The following SLC47A1 variants were observed in gnomAD, a reference collection of about 807,000 sequenced individuals.
SLC47A1 encodes the protein multidrug and toxin extrusion protein 1.
In SLC47A1, 58 loss-of-function variants were observed where a neutral mutation model predicts 65.8. That is an observed-to-expected ratio of 0.88 (90% CI 0.71 to 1.10). SLC47A1 has a LOEUF of 1.10. Among genes scored for constraint, SLC47A1 ranks in the 50% least tolerant of loss-of-function variants. SLC47A1 has a pLI of 0.00. For synonymous variants in SLC47A1, 285 were observed against 295.0 expected (o/e 0.97, Z 0.35); for missense variants, 706 against 719.2 (o/e 0.98, Z 0.21).
At position 19,577,379 on chromosome 17, in the gene SLC47A1, C is replaced by T. The variant is rs749378149; in HGVS notation, c.1539C>T (p.Gly513=). The change falls in exon 17 of 17, where the codon GGC becomes GGT. Residue 513 remains glycine (G), a synonymous_variant. Coordinates refer to ENST00000270570, the MANE Select transcript of SLC47A1 (RefSeq NM_018242.3). ...TAACGAACGATGTTGGAAAGACAGG[C>T]GAGCCTCAGTCAGATCAGCAGATGC... The part of the protein sequence containing the change: ...GILTNDVGKT[G]EPQSDQQMRQ... 35 of 1,614,020 alleles carry T rather than the reference C, an allele frequency of 2.2e-5. No individual in the cohort carries two copies. The highest frequency in any genetic ancestry group is 1.0e-4 in the Admixed American group (6 of 59,992).
At position 19,578,618 on chromosome 17, in the gene SLC47A1, C is replaced by T. The variant is rs1007474804; in HGVS notation, c.*1065C>T. 1.0e-4 allele frequency: 16 copies of T among 152,414 alleles called. No individual in the cohort carries two copies. 9.4% of individuals were successfully genotyped at this position (152,414 alleles called of 1,614,324 possible). A position where few individuals can be genotyped will look rare whatever the true frequency, so the allele number is the denominator to read the frequency against. On this transcript the variant is annotated 3_prime_UTR_variant, in exon 17 of 17. Transcript: ENST00000270570. ...CAGTACATACTAAGTATGCTCAGTG[C>T]TGTGAAAGTGGATTACACCAAATTA...
At chr17:19,575,803 G>A (rs1044258848) in intron 16 of SLC47A1, among the ~76,000 whole-genome samples, 24 of 152,068 alleles carry the variant, frequency 1.6e-4, no homozygotes, top group Admixed American at 3.9e-4. Context: ...CTTGCCCTCC[G>A]ATGGTTCACT....
intron 10 of SLC47A1, chr17:19,557,576 C>T (rs754047711): frequency 5.8e-5 from 30 of 515,738 alleles, no homozygotes; most frequent in South Asian, 2.7e-4. Context: ...GGTATGTTCA[C>T]GGGGCGATGC....
intron 12 of SLC47A1, among the ~76,000 whole-genome samples, chr17:19,562,078 T>A (rs11657807): frequency 0.12 from 18,139 of 152,224 alleles, 1,477 homozygotes; most frequent in Middle Eastern, 0.28. Flanking sequence ...ATATAGAAAC[T>A]TCGTGGGGGT....
chr17:19,571,391 T>C, intron 14 of SLC47A1, 87 bp from the exon 15 acceptor site: 1 of 1,140,578 alleles, frequency 8.8e-7, no homozygotes, highest in Non-Finnish European at 1.3e-6. Flanking sequence ...TCAGTATGGC[T>C]GACAGAAGTG....
At chr17:19,563,128 CTTT>C (rs572651224) in intron 12 of SLC47A1, among the ~76,000 whole-genome samples, 30,396 of 81,198 alleles carry the variant, frequency 0.37, 3,100 homozygotes, top group Middle Eastern at 0.51. Context: ...TAAGAGAAAG[CTTT>C]TTTTTTTTTT....
At chr17:19,548,273 A>C in intron 4 of SLC47A1, 140 bp downstream of exon 4, 3 of 1,008,664 alleles carry the variant, frequency 3.0e-6, no homozygotes, top group Non-Finnish European at 4.2e-6. Context: ...CCTAGGTCTT[A>C]GTACTTTCCA....
At chr17:19,567,369 G>A (rs1474083281) in intron 14 of SLC47A1, 141 bp downstream of exon 14, 6 of 1,281,066 alleles carry the variant, frequency 4.7e-6, no homozygotes, top group Non-Finnish European at 6.6e-6. Context: ...GTCAGAGAGT[G>A]TAGGGGGCGT....
At chr17:19,543,703 T>C (rs2440155) in intron 2 of SLC47A1, among the ~76,000 whole-genome samples, 28,723 of 152,082 alleles carry the variant, frequency 0.19, 2,769 homozygotes, top group East Asian at 0.32. Context: ...CAGCCAGGAA[T>C]TGTCAGCTGG....
intron 15 of SLC47A1, 25 bp from the exon 16 acceptor site, chr17:19,572,755 T>G: frequency 1.2e-6 from 2 of 1,610,150 alleles, no homozygotes; most frequent in Non-Finnish European, 1.7e-6. Context: ...TTGTGAAGCC[T>G]GATGGACTGA....
chr17:19,559,203 T>A (rs2084287376), intron 10 of SLC47A1, among the ~76,000 whole-genome samples: 1 of 152,214 alleles, frequency 6.6e-6, no homozygotes. Context: ...GTAAGTAACT[T>A]GCTCAGGGTG....
intron 1 of SLC47A1, among the ~76,000 whole-genome samples, chr17:19,539,850 CCA>C (rs1916091858): frequency 6.6e-6 from 1 of 152,032 alleles, no homozygotes; most frequent in Non-Finnish European, 1.5e-5. Context: ...TGTACATGAT[CCA>C]CAGTCTATGG....
intron 10 of SLC47A1, chr17:19,557,988 G>A (rs1257956683): frequency 4.6e-6 from 1 of 216,322 alleles, no homozygotes; most frequent in Non-Finnish European, 9.5e-6. Context: ...CAATAGGCTT[G>A]TAAGAATTTA....
chr17:19,539,936 C>G (rs1159108182), intron 1 of SLC47A1, among the ~76,000 whole-genome samples: 1 of 152,130 alleles, frequency 6.6e-6, no homozygotes, highest in African/African-American at 2.4e-5. Context: ...AGCCAAGATC[C>G]CTGGCACGGA....
At chr17:19,534,173 C>A in intron 1 of SLC47A1, 99 bp downstream of exon 1, 1 of 1,352,460 alleles carries the variant, frequency 7.4e-7, no homozygotes, top group African/African-American at 1.5e-5. Flanking sequence ...GGGGACCGAG[C>A]GAGCTGTCCG....
chr17:19,551,350 C>A, intron 5 of SLC47A1, 74 bp from the exon 6 acceptor site: 1 of 1,322,380 alleles, frequency 7.6e-7, no homozygotes, highest in Non-Finnish European at 1.1e-6. Flanking sequence ...TGGCTCCTAG[C>A]TCCCTGCCGT....
At chr17:19,565,881 G>A (rs1266039736) in intron 12 of SLC47A1, among the ~76,000 whole-genome samples, 1 of 152,012 alleles carries the variant, frequency 6.6e-6, no homozygotes, top group Non-Finnish European at 1.5e-5. Context: ...GTGCCTGGTG[G>A]TCTGAAAATC....
chr17:19,554,348 C>T (rs1406048006), intron 6 of SLC47A1, among the ~76,000 whole-genome samples: 1 of 152,114 alleles, frequency 6.6e-6, no homozygotes, highest in Non-Finnish European at 1.5e-5. Flanking sequence ...CCAGGAGCTC[C>T]CACGAAGCTC....
In SLC47A1 at chr17:19,560,204, G is replaced by A; in HGVS notation, c.938G>A (p.Ser313Asn). 1 of 1,612,684 alleles carries A rather than the reference G, an allele frequency of 6.2e-7. No individual in the cohort carries two copies. Among genetic ancestry groups the A allele is most frequent in the Non-Finnish European group, 8.5e-7 (1 of 1,179,814 alleles). ...IIVYMVPAGF[S>N]VAASVRVGNA... ...TTATTTTAGGTCCCTGCAGGCTTCA[G>A]TGTGGCTGCCAGTGTCCGGGTAGGA... is the stretch of plus-strand genomic sequence containing the variant. The change falls in exon 11 of 17, where the codon AGT (serine) becomes AAT (asparagine). Residue 313 changes from serine (S) to asparagine (N), a missense_variant. Ser to Asn is a conservative substitution (Grantham distance 46, BLOSUM62 1). Coordinates refer to ENST00000270570, the MANE Select transcript of SLC47A1 (RefSeq NM_018242.3).
Sources: gnomAD v4.1 joint callset for allele counts (sites outside exome capture counted in the v4.1 genomes callset) on GRCh38, gnomAD v4.1.1 for gene constraint, MANE v1.5 for transcripts, NCBI Gene and HGNC (gene_info 2026-07-23, HGNC 2026-07-21) for gene names.